The following PKD2L1 variants were observed in gnomAD, a reference collection of about 807,000 sequenced individuals.
PKD2L1 encodes polycystin 2 like 1, transient receptor potential cation channel, also known as polycystin-2-like protein 1.
Under a neutral mutation model 93.0 loss-of-function variants are expected in PKD2L1, and 77 were observed. The observed-to-expected ratio is 0.83, with a 90% CI of 0.69 to 1.00. The LOEUF is 1.00. PKD2L1 is among the 50% of genes least tolerant of loss of function. PKD2L1 has a pLI of 0.00. For synonymous variants in PKD2L1, 390 were observed against 388.0 expected (o/e 1.01, Z -0.06); for missense variants, 977 against 990.9 (o/e 0.99, Z 0.19).
chr10:100,307,977 A>C (rs1192201153), intron 2 of PKD2L1, among the ~76,000 whole-genome samples: 1 of 152,186 alleles, frequency 6.6e-6, no homozygotes, highest in Admixed American at 6.5e-5. Flanking sequence ...CCAGTACGTC[A>C]CTACCATTTT....
chr10:100,303,401 C>T (rs1848729920), intron 2 of PKD2L1, among the ~76,000 whole-genome samples: 1 of 152,094 alleles, frequency 6.6e-6, no homozygotes, highest in Non-Finnish European at 1.5e-5. Flanking sequence ...CCATATTGGT[C>T]TCGAACCCCC....
intron 9 of PKD2L1, 75 bp downstream of exon 9, chr10:100,294,460 G>C: frequency 6.7e-7 from 1 of 1,497,062 alleles, no homozygotes; most frequent in Non-Finnish European, 9.3e-7. Context: ...TATCAATCCT[G>C]AGTGAGGGAC....
At chr10:100,313,837 C>T (rs183393746) in intron 2 of PKD2L1, among the ~76,000 whole-genome samples, 141 of 152,212 alleles carry the variant, frequency 9.3e-4, no homozygotes, top group Non-Finnish European at 1.5e-3. Context: ...GAAGACTTTA[C>T]GCAGACAGAT....
In PKD2L1 at chr10:100,297,445, G is replaced by A; in HGVS notation, c.893C>T (p.Thr298Ile). 1 of 1,614,158 alleles carries A rather than the reference G, an allele frequency of 6.2e-7. No individual in the cohort carries two copies. The highest frequency in any genetic ancestry group is 1.3e-5 in the African/African-American group (1 of 75,036). ...TGAGAAGTCGATGAACACCACTCGAGTGCCCCTGTCCAGCCACAGCCCCTC... is the reference window on the plus strand; with the variant it reads ...TGAGAAGTCGATGAACACCACTCGAATGCCCCTGTCCAGCCACAGCCCCTC... ...LQEGLWLDRGTRVVFIDFSVY... is the reference protein window; with the variant it reads ...LQEGLWLDRGIRVVFIDFSVY... Residue 298 changes from threonine to isoleucine, a missense_variant, in exon 5 of 16, where the codon ACT (threonine) becomes ATT (isoleucine). Transcript: ENST00000318222.
chr10:100,295,125 T>C lies in PKD2L1; in HGVS notation c.1357-2A>G. 2 of 1,613,016 alleles carry C rather than the reference T, an allele frequency of 1.2e-6. No homozygotes were observed. The highest frequency in any genetic ancestry group is 2.2e-5 in the South Asian group (2 of 91,040). On this transcript the variant is annotated splice_acceptor_variant, in intron 7 of 15. Coordinates refer to ENST00000318222, the MANE Select transcript of PKD2L1 (RefSeq NM_016112.3). LOFTEE classifies it high-confidence loss of function. ...GTTGAAGCTGATGTACTTGAATATC[T>C]GGAAGGACCATGTTGAACCAAGGGA...
chr10:100,307,768 C>T (rs911725334), intron 2 of PKD2L1, among the ~76,000 whole-genome samples: 4 of 152,218 alleles, frequency 2.6e-5, no homozygotes, highest in Non-Finnish European at 5.9e-5. Flanking sequence ...CACAAACATC[C>T]TTTTCACCAC....
chr10:100,327,316 C>G (rs911245510), intron 2 of PKD2L1, among the ~76,000 whole-genome samples: 2 of 152,210 alleles, frequency 1.3e-5, no homozygotes, highest in Non-Finnish European at 2.9e-5. Context: ...TAGATGAGCT[C>G]TAAACCCCTG....
Position 100,288,367 on chromosome 10 carries a change from A to G in PKD2L1, c.*29T>C, listed in dbSNP as rs1356020883. The G allele has an allele frequency of 1.4e-6, 2 of 1,464,398 alleles. No homozygotes were observed. Among genetic ancestry groups the G allele is most frequent in the Admixed American group, 1.7e-5 (1 of 59,776 alleles). The allele number at this position is 1,464,398 out of a possible 1,614,324, so 90.7% of individuals were successfully genotyped here. On this transcript the variant is annotated 3_prime_UTR_variant, in exon 16 of 16. Coordinates refer to ENST00000318222, the MANE Select transcript of PKD2L1 (RefSeq NM_016112.3). The stretch of plus-strand genomic sequence containing the variant: ...GGCAGCCTCTTGCAGAAGATCCTTC[A>G]TAGACTTTGCTCCGGGAGTGCCTCA...
rs540727145 is a variant in PKD2L1 at position 100,330,186 on chromosome 10, G to A, written c.-83C>T. ...GGGAGCAGAGGCACAGCCCAGCCTA[G>A]CCAGCAGAGAGCAAATGGAAAGGCG... is the stretch of plus-strand genomic sequence containing the variant. On this transcript the variant is annotated 5_prime_UTR_variant, in exon 1 of 16. Coordinates refer to ENST00000318222, the MANE Select transcript of PKD2L1 (RefSeq NM_016112.3). 3.5e-6 allele frequency: 3 copies of A among 848,160 alleles called. No homozygotes were observed. The highest frequency in any genetic ancestry group is 5.1e-5 in the East Asian group (2 of 38,980). The allele number at this position is 848,160 out of a possible 1,614,324, so 52.5% of individuals were successfully genotyped here.
intron 14 of PKD2L1, 51 bp from the exon 15 acceptor site, chr10:100,289,107 ACTTTT>A: frequency 7.4e-7 from 1 of 1,342,614 alleles, no homozygotes; most frequent in Non-Finnish European, 1.1e-6. Context: ...TTTGTGTACC[ACTTTT>A]CTTTTCTCTC....
chr10:100,292,162 T>A (rs1197953055), intron 11 of PKD2L1, among the ~76,000 whole-genome samples: 1 of 152,078 alleles, frequency 6.6e-6, no homozygotes, highest in Non-Finnish European at 1.5e-5. Context: ...ACTTATTCTG[T>A]GATTCAGTTT....
chr10:100,288,572 T>C (rs1589656577), intron 15 of PKD2L1, 94 bp from the exon 16 acceptor site: 1 of 803,490 alleles, frequency 1.2e-6, no homozygotes, highest in East Asian at 2.4e-5. Context: ...TAGGAAGACA[T>C]CTAGATACCG....
intron 8 of PKD2L1, 125 bp downstream of exon 8, chr10:100,294,817 C>A (rs1848487676): frequency 7.7e-7 from 1 of 1,300,496 alleles, no homozygotes; most frequent in Non-Finnish European, 1.1e-6. Flanking sequence ...TTCTGGAGAC[C>A]CTCACACAGA....
In PKD2L1 at chr10:100,296,272, G is replaced by A. The variant is rs758947850; in HGVS notation, c.1206C>T (p.Gly402=). The change falls in exon 7 of 16, where the codon GGC becomes GGT. Residue 402 remains glycine (G), a synonymous_variant. Transcript: ENST00000318222. ...VVILLSIVAV[G]FHIFRTLEVN... ...CCTCGAGGGTTCGGAATATGTGGAAGCCCACAGCCACAATGGAGAGCTGTC... is the reference window on the plus strand; with the variant it reads ...CCTCGAGGGTTCGGAATATGTGGAAACCCACAGCCACAATGGAGAGCTGTC... 3.8e-6 allele frequency: 6 copies of A among 1,598,582 alleles called. No individual in the cohort carries two copies. In the African/African-American group the frequency reaches 6.8e-5, roughly 18 times the overall value.
In PKD2L1 at chr10:100,290,061, A is replaced by C. The variant is rs1848370758; in HGVS notation, c.2204T>G (p.Leu735Arg). ...VSQIDAVGSKLKMLERKGWLA... is the reference protein window; with the variant it reads ...VSQIDAVGSKRKMLERKGWLA... Reference sequence around the variant, plus strand: ...CCACCCCTTCCTCTCCAGCATTTTCAGCTTTGAGCCTACAGCATCAATCTG... The same window carrying C: ...CCACCCCTTCCTCTCCAGCATTTTCCGCTTTGAGCCTACAGCATCAATCTG... Residue 735 changes from leucine (L) to arginine (R), a missense_variant, in exon 14 of 16, where the codon CTG (leucine) becomes CGG (arginine). Physicochemically the swap from Leu to Arg is moderately radical, Grantham distance 102. Transcript: ENST00000318222. 1.2e-6 allele frequency: 2 copies of C among 1,614,194 alleles called. No homozygotes were observed. Among genetic ancestry groups the C allele is most frequent in the Non-Finnish European group, 8.5e-7 (1 of 1,180,028 alleles).
At chr10:100,328,417 C>T (rs1439018231) in intron 2 of PKD2L1, among the ~76,000 whole-genome samples, 1 of 152,152 alleles carries the variant, frequency 6.6e-6, no homozygotes, top group Non-Finnish European at 1.5e-5. Flanking sequence ...CCATGTGTTT[C>T]CCTCCCTCTC....
chr10:100,296,049 G>GA (rs1023315406), intron 7 of PKD2L1, 73 bp downstream of exon 7: 54 of 1,246,392 alleles, frequency 4.3e-5, no homozygotes, highest in South Asian at 2.6e-4. Flanking sequence ...AAAAAAAAAA[G>GA]AAAAAAAAGA....
At chr10:100,302,388 G>A (rs1848702662) in intron 2 of PKD2L1, among the ~76,000 whole-genome samples, 1 of 151,882 alleles carries the variant, frequency 6.6e-6, no homozygotes, top group Non-Finnish European at 1.5e-5. Context: ...AAAAGGCAAA[G>A]AAAAACTAAA....
chr10:100,324,047 C>T (rs966487248), intron 2 of PKD2L1, among the ~76,000 whole-genome samples: 1 of 152,138 alleles, frequency 6.6e-6, no homozygotes, highest in African/African-American at 2.4e-5. Flanking sequence ...AGGCTGGTCT[C>T]GAACTCCTGG....
Sources: gnomAD v4.1 joint callset for allele counts (sites outside exome capture counted in the v4.1 genomes callset) on GRCh38, gnomAD v4.1.1 for gene constraint, MANE v1.5 for transcripts, NCBI Gene and HGNC (gene_info 2026-07-23, HGNC 2026-07-21) for gene names.